KCNB2: variants seen among roughly 807,000 people sequenced by gnomAD.
The protein encoded by KCNB2 is delayed rectifier potassium channel protein.
KCNB2 carries 15 observed loss-of-function variants against 61.5 expected under a neutral mutation model. That is an observed-to-expected ratio of 0.24 (90% confidence interval 0.16 to 0.38). KCNB2 has a LOEUF of 0.38. Among genes scored for constraint, KCNB2 ranks in the 10% least tolerant of loss-of-function variants. The pLI is 1.00. For missense variants in KCNB2, 828 were observed against 1,125.2 expected, an observed-to-expected ratio of 0.74 and a Z score of 3.78; for synonymous variants, 457 against 446.0, an observed-to-expected ratio of 1.02 and a Z score of -0.31.
chr8:72,715,660 C>G (rs1027204724), intron 2 of KCNB2, among the ~76,000 whole-genome samples: 4 of 152,004 alleles, frequency 2.6e-5, no homozygotes, highest in African/African-American at 9.7e-5. Context: ...ACAATCAAAG[C>G]AGCGTGTAGA....
intron 2 of KCNB2, among the ~76,000 whole-genome samples, chr8:72,789,773 G>T (rs1435622537): frequency 1.3e-5 from 2 of 152,048 alleles, no homozygotes; most frequent in Non-Finnish European, 2.9e-5. Flanking sequence ...GGAGAGGGCA[G>T]TATATCAGAA....
At chr8:72,773,534 T>C (rs1162176422) in intron 2 of KCNB2, among the ~76,000 whole-genome samples, 1 of 152,222 alleles carries the variant, frequency 6.6e-6, no homozygotes. Flanking sequence ...CCAGAATTTC[T>C]CCATGGTGGG....
At chr8:72,689,819 C>T (rs1398091558) in intron 2 of KCNB2, among the ~76,000 whole-genome samples, 1 of 151,950 alleles carries the variant, frequency 6.6e-6, no homozygotes. Context: ...GGTTGTCTCC[C>T]TTTTTGTGCT....
intron 2 of KCNB2, among the ~76,000 whole-genome samples, chr8:72,763,875 G>C (rs1808422964): frequency 1.3e-5 from 2 of 152,186 alleles, no homozygotes; most frequent in African/African-American, 4.8e-5. Context: ...TTTCCCAGAG[G>C]AGGAGACCCT....
intron 2 of KCNB2, among the ~76,000 whole-genome samples, chr8:72,892,123 T>C (rs980841453): frequency 3.3e-5 from 5 of 152,140 alleles, no homozygotes; most frequent in Admixed American, 1.3e-4. Context: ...GGAGAGGAAA[T>C]CTGAAGTTTC....
rs542932594 is a variant in KCNB2, at chr8:72,549,909, A to T, written c.-94+12024A>T. Among the ~76,000 whole-genome samples the T allele has an allele frequency of 1.4e-3, 212 of 152,360 alleles. 2 individuals carry two copies. The highest frequency in any genetic ancestry group is 2.5e-3 in the Non-Finnish European group (173 of 68,040). ...ATAGACAAGAAACTAATTCTAATTA[A>T]ATGTTAGATGTCACTGCTCCTAAAA... On this transcript the variant is annotated intron_variant, in intron 1 of 2. Coordinates refer to ENST00000523207, the MANE Select transcript of KCNB2 (RefSeq NM_004770.3).
chr8:72,724,215 G>A (rs1042332981), intron 2 of KCNB2, among the ~76,000 whole-genome samples: 2 of 152,080 alleles, frequency 1.3e-5, no homozygotes, highest in African/African-American at 2.4e-5. Flanking sequence ...TTGTATTTTT[G>A]TTGTGTACCC....
chr8:72,690,115 TTCTGAAGCCAA>T (rs1806917230), intron 2 of KCNB2, among the ~76,000 whole-genome samples: 1 of 152,190 alleles, frequency 6.6e-6, no homozygotes, highest in Non-Finnish European at 1.5e-5. Flanking sequence ...ATATATTTTT[TTCTGAAGCCAA>T]TCTGCCATAT....
At position 72,834,349 on chromosome 8, in the gene KCNB2, T is replaced by C. The variant is rs530992324; in HGVS notation, c.580-101586T>C. On this transcript the variant is annotated intron_variant, in intron 2 of 2. Coordinates refer to ENST00000523207, the MANE Select transcript of KCNB2 (RefSeq NM_004770.3). The stretch of plus-strand genomic sequence containing the variant: ...TTCGATATATTTGGAGAACCGTTGC[T>C]ACAGGGGGAGGAAAGCAATTCATAG... 6.4e-4 allele frequency among the ~76,000 whole-genome samples: 97 copies of C among 152,284 alleles called. 1 individual carries two copies. Among genetic ancestry groups the C allele is most frequent in the African/African-American group, 2.2e-3 (92 of 41,562 alleles).
intron 2 of KCNB2, among the ~76,000 whole-genome samples, chr8:72,718,064 T>G (rs1266239075): frequency 2.0e-5 from 3 of 151,772 alleles, no homozygotes; most frequent in Non-Finnish European, 4.4e-5. Flanking sequence ...CATGAAAAAA[T>G]GCTCATCATC....
chr8:72,912,117 A>C (rs968506536), intron 2 of KCNB2, among the ~76,000 whole-genome samples: 20 of 152,346 alleles, frequency 1.3e-4, no homozygotes, highest in Non-Finnish European at 2.4e-4. Flanking sequence ...GGGCTTTGTC[A>C]TCAAAAGTTG....
chr8:72,892,910 A>G (rs1463421595), intron 2 of KCNB2, among the ~76,000 whole-genome samples: 5 of 152,182 alleles, frequency 3.3e-5, no homozygotes, highest in Non-Finnish European at 4.4e-5. Flanking sequence ...ACTTAAGGAA[A>G]TGGCCATGAT....
At position 72,938,174 on chromosome 8, in the gene KCNB2, A is replaced by T; in HGVS notation, c.*83A>T. Reference sequence around the variant, plus strand: ...AAAATGCGGTTAATAATGCCTGTGAACTAAAAAAATGGGAAGCCCTCCCCA... The same window carrying T: ...AAAATGCGGTTAATAATGCCTGTGATCTAAAAAAATGGGAAGCCCTCCCCA... On this transcript the variant is annotated 3_prime_UTR_variant, in exon 3 of 3. Transcript: ENST00000523207. 8.5e-7 allele frequency: 1 copy of T among 1,169,816 alleles called. No homozygotes were observed. The highest frequency in any genetic ancestry group is 2.4e-5 in the East Asian group (1 of 42,070). 72.5% of individuals were successfully genotyped at this position (1,169,816 alleles called of 1,614,324 possible).
chr8:72,935,641 TC>T lies in KCNB2; in HGVS notation c.580-288del, dbSNP rs1212281540. Among the ~76,000 whole-genome samples, 22 of 151,828 alleles carry T rather than the reference TC, an allele frequency of 1.4e-4. 1 individual carries two copies. The highest frequency in any genetic ancestry group is 1.3e-4 in the Admixed American group (2 of 15,240). On this transcript the variant is annotated intron_variant, in intron 2 of 2. Transcript: ENST00000523207. ...TAACTAAGAGAGGAGAGATAATTAC[TC>T]CCCCCAAAAACTATTCCAGCCATAT...
intron 2 of KCNB2, among the ~76,000 whole-genome samples, chr8:72,809,242 A>G (rs1809269219): frequency 1.3e-5 from 2 of 152,138 alleles, no homozygotes; most frequent in Admixed American, 1.3e-4. Flanking sequence ...CCTGAAGATA[A>G]AGTTCAAACA....
chr8:72,661,730 G>T (rs1806384393), intron 2 of KCNB2, among the ~76,000 whole-genome samples: 1 of 152,106 alleles, frequency 6.6e-6, no homozygotes, highest in African/African-American at 2.4e-5. Flanking sequence ...ACTTAAAATT[G>T]GATGTGTGTT....
At chr8:72,761,981 A>G (rs1405893010) in intron 2 of KCNB2, among the ~76,000 whole-genome samples, 2 of 152,160 alleles carry the variant, frequency 1.3e-5, no homozygotes, top group African/African-American at 4.8e-5. Context: ...TAGCAGTTAG[A>G]TTTATGTTAG....
At chr8:72,762,300 G>C (rs890211899) in intron 2 of KCNB2, among the ~76,000 whole-genome samples, 1 of 152,208 alleles carries the variant, frequency 6.6e-6, no homozygotes, top group Non-Finnish European at 1.5e-5. Context: ...TACGACATCT[G>C]TACCTATTCC....
At chr8:72,640,964 TATTCA>T (rs1376859257) in intron 2 of KCNB2, among the ~76,000 whole-genome samples, 4 of 152,132 alleles carry the variant, frequency 2.6e-5, no homozygotes, top group African/African-American at 9.7e-5. Context: ...ACATGGTAAG[TATTCA>T]TACTATGCAC....
Sources: gnomAD v4.1 joint callset for allele counts (sites outside exome capture counted in the v4.1 genomes callset) on GRCh38, gnomAD v4.1.1 for gene constraint, MANE v1.5 for transcripts, NCBI Gene and HGNC (gene_info 2026-07-23, HGNC 2026-07-21) for gene names.